MPDZ: variants seen among roughly 807,000 people sequenced by gnomAD.
MPDZ encodes multiple PDZ domain crumbs cell polarity complex component.
MPDZ carries 234 observed loss-of-function variants against 239.1 expected under a neutral mutation model. That is an observed-to-expected ratio of 0.98 (90% confidence interval 0.88 to 1.09). The LOEUF is 1.09. Ranked by LOEUF, MPDZ falls within the 50% of genes least tolerant of loss-of-function variation. The pLI is 0.00. For missense variants in MPDZ, 3,175 were observed against 2,510.0 expected (o/e 1.26, Z -5.66); for synonymous variants, 1,048 against 881.3 (o/e 1.19, Z -3.35).
At chr9:13,170,348 C>T in intron 21 of MPDZ, among the ~76,000 whole-genome samples, 1 of 152,136 alleles carries the variant, frequency 6.6e-6, no homozygotes. Context: ...CTCCTACTTA[C>T]TGTTTTCTGA....
intron 24 of MPDZ, among the ~76,000 whole-genome samples, chr9:13,153,086 T>C (rs1159144647): frequency 6.6e-6 from 1 of 152,066 alleles, no homozygotes; most frequent in Non-Finnish European, 1.5e-5. Flanking sequence ...TCTTCAACAC[T>C]GACATTTAAG....
chr9:13,167,147 A>G (rs1259372931), intron 22 of MPDZ, among the ~76,000 whole-genome samples: 1 of 152,136 alleles, frequency 6.6e-6, no homozygotes, highest in Non-Finnish European at 1.5e-5. Context: ...TAGTCTCCAC[A>G]TGATCTAGTC....
At chr9:13,243,673 C>T (rs1405929586) in intron 3 of MPDZ, among the ~76,000 whole-genome samples, 1 of 152,018 alleles carries the variant, frequency 6.6e-6, no homozygotes, top group Non-Finnish European at 1.5e-5. Context: ...AATTTTCAAC[C>T]CTGATCCCAT....
intron 1 of MPDZ, among the ~76,000 whole-genome samples, chr9:13,251,237 A>G (rs1967930955): frequency 6.6e-6 from 1 of 152,150 alleles, no homozygotes; most frequent in Non-Finnish European, 1.5e-5. Flanking sequence ...CACGGATGAA[A>G]AACTGAACAA....
In MPDZ at chr9:13,279,413, CCCGCCCAGGGCCGCGACGCGAGGGGG is replaced by C. The variant is rs1975164680; in HGVS notation, c.-97_-72del. The C allele has an allele frequency of 6.8e-6, 1 of 147,176 alleles. No homozygotes were observed. The highest frequency in any genetic ancestry group is 2.5e-5 in the African/African-American group (1 of 40,786). The allele number at this position is 147,176 out of a possible 1,614,324, so 9.1% of individuals were successfully genotyped here. A position where few individuals can be genotyped will look rare whatever the true frequency, so the allele number is the denominator to read the frequency against. On this transcript the variant is annotated 5_prime_UTR_variant, in exon 1 of 47. Transcript: ENST00000319217. ...AGCGCCGCTTACCCGGCTCGCGGCG[CCCGCCCAGGGCCGCGACGCGAGGGGG>C]CGGAGGACTGGGGAGCAGGGGTCGC...
chr9:13,245,698 A>G (rs1373439808), intron 3 of MPDZ, among the ~76,000 whole-genome samples: 1 of 152,184 alleles, frequency 6.6e-6, no homozygotes, highest in African/African-American at 2.4e-5. Flanking sequence ...TATCAACAAA[A>G]TAATAAGATA....
intron 15 of MPDZ, among the ~76,000 whole-genome samples, chr9:13,190,723 A>G (rs1954797838): frequency 1.3e-5 from 2 of 152,188 alleles, no homozygotes; most frequent in Admixed American, 1.3e-4. Context: ...CTCTATACAA[A>G]TAAGAGTTCT....
At chr9:13,118,937 G>C (rs1943915630) in intron 39 of MPDZ, among the ~76,000 whole-genome samples, 1 of 152,166 alleles carries the variant, frequency 6.6e-6, no homozygotes, top group Non-Finnish European at 1.5e-5. Context: ...AGGTACTGCT[G>C]AGTGAATCTG....
rs1186230841 is a variant in MPDZ, at chr9:13,113,913, A to T, written c.5557+18T>A. The T allele has an allele frequency of 6.4e-7, 1 of 1,560,282 alleles. No homozygotes were observed. Among genetic ancestry groups the T allele is most frequent in the East Asian group, 2.3e-5 (1 of 43,102 alleles). ...CAGCCAAATTCAAACCATGTTTAAA[A>T]TACTGAACCAATCTTACATGCATTC... On this transcript the variant is annotated intron_variant, in intron 41 of 46. Transcript: ENST00000319217.
intron 28 of MPDZ, among the ~76,000 whole-genome samples, chr9:13,138,816 A>G (rs1316576433): frequency 6.6e-6 from 1 of 152,198 alleles, no homozygotes; most frequent in East Asian, 1.9e-4. Flanking sequence ...ACAGCCACAG[A>G]TGAGCGACCA....
At position 13,254,137 on chromosome 9, in the gene MPDZ, T is replaced by C. The variant is rs77109194; in HGVS notation, c.-57-3765A>G. Among the ~76,000 whole-genome samples, 845 of 152,198 alleles carry C rather than the reference T, an allele frequency of 5.6e-3. 6 individuals are homozygous for C. The highest frequency in any genetic ancestry group is 0.018 in the African/African-American group (757 of 41,522). ...CATAAAGTGAAACCAAAGGAAGAAA[T>C]AGAGACCCAAAATGAATAAAGTCTG... is the stretch of plus-strand genomic sequence containing the variant. On this transcript the variant is annotated intron_variant, in intron 1 of 46. Coordinates refer to ENST00000319217, the MANE Select transcript of MPDZ (RefSeq NM_001378778.1).
At chr9:13,189,557 A>G (rs1954616874) in intron 16 of MPDZ, among the ~76,000 whole-genome samples, 1 of 152,140 alleles carries the variant, frequency 6.6e-6, no homozygotes, top group Non-Finnish European at 1.5e-5. Flanking sequence ...GAGTCATCCA[A>G]GGTGGCTTTC....
chr9:13,169,090 C>T (rs945038267), intron 21 of MPDZ, among the ~76,000 whole-genome samples: 2 of 152,142 alleles, frequency 1.3e-5, no homozygotes, highest in African/African-American at 2.4e-5. Flanking sequence ...CACAGAATTC[C>T]TAACATCAAG....
intron 1 of MPDZ, among the ~76,000 whole-genome samples, chr9:13,260,459 T>A (rs1970433289): frequency 6.6e-6 from 1 of 152,190 alleles, no homozygotes; most frequent in African/African-American, 2.4e-5. Flanking sequence ...GTGTTGTGAC[T>A]ATTCTAGAAA....
At chr9:13,244,579 T>C (rs1966164275) in intron 3 of MPDZ, among the ~76,000 whole-genome samples, 1 of 152,206 alleles carries the variant, frequency 6.6e-6, no homozygotes, top group Non-Finnish European at 1.5e-5. Flanking sequence ...ATCAATTATA[T>C]TCTCAGACCT....
chr9:13,204,900 G>C (rs745974411), intron 12 of MPDZ, 136 bp downstream of exon 12: 1 of 467,144 alleles, frequency 2.1e-6, no homozygotes, highest in Non-Finnish European at 3.7e-6. Context: ...TATAAACAGG[G>C]ATTTACAAAC....
intron 21 of MPDZ, among the ~76,000 whole-genome samples, chr9:13,169,456 A>G (rs966476279): frequency 3.3e-5 from 5 of 152,132 alleles, no homozygotes; most frequent in African/African-American, 1.2e-4. Flanking sequence ...TATTTAATCC[A>G]ACACCAAATC....
At chr9:13,241,348 T>C (rs999538004) in intron 3 of MPDZ, among the ~76,000 whole-genome samples, 7 of 152,190 alleles carry the variant, frequency 4.6e-5, no homozygotes, top group African/African-American at 1.4e-4. Context: ...ATTTTCATTT[T>C]CACAAGTAAC....
At chr9:13,107,181 T>C in intron 46 of MPDZ, 70 bp from the exon 47 acceptor site, 2 of 1,470,524 alleles carry the variant, frequency 1.4e-6, no homozygotes, top group African/African-American at 1.4e-5. Flanking sequence ...CAGAAAAAGA[T>C]CTCAACAGGA....
Sources: allele counts gnomAD v4.1 joint callset (sites outside exome capture counted in the v4.1 genomes callset), GRCh38; gene constraint gnomAD v4.1.1; transcripts MANE v1.5; gene names NCBI Gene and HGNC (gene_info 2026-07-23, HGNC 2026-07-21).